DSCAM: variants seen among roughly 807,000 people sequenced by gnomAD.
The protein encoded by DSCAM is DS cell adhesion molecule, also known as cell adhesion molecule DSCAM.
A neutral mutation model predicts 217.7 loss-of-function variants in DSCAM; 47 were observed. The observed-to-expected ratio is 0.22, with a 90% CI of 0.17 to 0.28. The LOEUF (loss-of-function observed/expected upper bound fraction) is 0.28. DSCAM is among the 10% of genes least tolerant of loss of function. The probability of loss-of-function intolerance (pLI) is 1.00; values close to 1 mark genes in which losing one functional copy is unlikely to be tolerated. For synonymous variants in DSCAM, 1,056 were observed against 1,015.3 expected (o/e 1.04, Z -0.76); for missense variants, 2,080 against 2,618.3 (o/e 0.79, Z 4.49).
At chr21:40,110,191 A>G (rs573157561) in intron 20 of DSCAM, among the ~76,000 whole-genome samples, 1 of 152,304 alleles carries the variant, frequency 6.6e-6, no homozygotes, top group Admixed American at 6.5e-5. Context: ...GACACCTCAC[A>G]CGGCCAGGTA....
intron 3 of DSCAM, among the ~76,000 whole-genome samples, chr21:40,546,390 T>C (rs1007694929): frequency 2.6e-5 from 4 of 152,202 alleles, no homozygotes; most frequent in Non-Finnish European, 5.9e-5. Flanking sequence ...AACGGCAAAG[T>C]GGCCAACAGA....
rs528555700 is a variant in DSCAM at position 40,028,797 on chromosome 21, T to C, written c.5686+13574A>G. On this transcript the variant is annotated intron_variant, in intron 32 of 32. Transcript: ENST00000400454. ...GGAAATGCCGAGATCACCCGTCTTC[T>C]GCGTCGCTCACGCTGGGAGCTGCAG... 2.3e-3 allele frequency among the ~76,000 whole-genome samples: 347 copies of C among 152,332 alleles called. 4 individuals carry two copies. Among genetic ancestry groups the C allele is most frequent in the African/African-American group, 7.9e-3 (327 of 41,576 alleles).
chr21:40,353,978 T>C (rs2074663279), intron 4 of DSCAM, among the ~76,000 whole-genome samples: 1 of 152,194 alleles, frequency 6.6e-6, no homozygotes, highest in African/African-American at 2.4e-5. Context: ...CATTCCTCAG[T>C]AAATGAATAA....
At chr21:40,430,716 C>T (rs796146361) in intron 3 of DSCAM, among the ~76,000 whole-genome samples, 51 of 152,328 alleles carry the variant, frequency 3.3e-4, no homozygotes, top group Admixed American at 1.9e-3. Flanking sequence ...CTGGCTCTAC[C>T]GCTGGACTCC....
intron 1 of DSCAM, among the ~76,000 whole-genome samples, chr21:40,800,298 G>T (rs2091728320): frequency 6.6e-6 from 1 of 152,124 alleles, no homozygotes; most frequent in South Asian, 2.1e-4. Flanking sequence ...CAGAAAATTG[G>T]TACCAGGAGT....
chr21:40,620,020 G>A (rs1392767409), intron 3 of DSCAM, among the ~76,000 whole-genome samples: 1 of 69,656 alleles, frequency 1.4e-5, no homozygotes, highest in African/African-American at 7.4e-5. Context: ...AAAAGAAAAA[G>A]AAAGAAAGAG....
intron 6 of DSCAM, among the ~76,000 whole-genome samples, chr21:40,346,356 C>T (rs1042733019): frequency 2.6e-5 from 4 of 152,162 alleles, no homozygotes; most frequent in Admixed American, 2.6e-4. Context: ...GCTAAACCTG[C>T]TACTTCTTAA....
intron 32 of DSCAM, among the ~76,000 whole-genome samples, chr21:40,018,589 C>T (rs1476856257): frequency 1.3e-5 from 2 of 152,162 alleles, no homozygotes; most frequent in Admixed American, 1.3e-4. Flanking sequence ...TATTAAACCT[C>T]CACAAAGTAA....
intron 11 of DSCAM, among the ~76,000 whole-genome samples, chr21:40,249,484 T>G (rs2073273086): frequency 6.6e-6 from 1 of 152,120 alleles, no homozygotes; most frequent in Non-Finnish European, 1.5e-5. Flanking sequence ...GAACTATAAG[T>G]CCAACTAAAC....
chr21:40,540,424 C>G (rs2076534374), intron 3 of DSCAM, among the ~76,000 whole-genome samples: 1 of 152,100 alleles, frequency 6.6e-6, no homozygotes, highest in African/African-American at 2.4e-5. Context: ...GTTAATTACC[C>G]ACATCTACGT....
intron 10 of DSCAM, among the ~76,000 whole-genome samples, chr21:40,284,589 G>T (rs1429279867): frequency 6.6e-6 from 1 of 152,214 alleles, no homozygotes; most frequent in East Asian, 1.9e-4. Context: ...ATTGATGCAT[G>T]GGTCAACCCC....
At chr21:40,126,251 A>C (rs554968234) in intron 19 of DSCAM, among the ~76,000 whole-genome samples, 2 of 151,976 alleles carry the variant, frequency 1.3e-5, no homozygotes, top group South Asian at 4.2e-4. Context: ...GGAAGGAAGA[A>C]AGGAAAGAGG....
chr21:40,257,118 A>T (rs1324018235), intron 11 of DSCAM, among the ~76,000 whole-genome samples: 1 of 152,206 alleles, frequency 6.6e-6, no homozygotes, highest in Non-Finnish European at 1.5e-5. Flanking sequence ...AGAGGAAAGA[A>T]AACAAAGATA....
At chr21:40,178,510 G>A (rs2090757988) in intron 15 of DSCAM, among the ~76,000 whole-genome samples, 1 of 152,150 alleles carries the variant, frequency 6.6e-6, no homozygotes, top group Non-Finnish European at 1.5e-5. Flanking sequence ...CGCACAGTAA[G>A]CATGCTTGCA....
intron 11 of DSCAM, among the ~76,000 whole-genome samples, chr21:40,192,158 C>T (rs1415330361): frequency 6.6e-6 from 1 of 152,128 alleles, no homozygotes; most frequent in Non-Finnish European, 1.5e-5. Context: ...TACATTACCC[C>T]AAAAGATTTC....
Position 40,026,521 on chromosome 21 carries a change from G to C in DSCAM, c.5687-13135C>G, listed in dbSNP as rs1430625705. ...TGTGGGAGTCTAAGTCTCTTTGTAGGTCACTCAGGACTTGCTTTATGAATC... is the reference window on the plus strand; with the variant it reads ...TGTGGGAGTCTAAGTCTCTTTGTAGCTCACTCAGGACTTGCTTTATGAATC... On this transcript the variant is annotated intron_variant, in intron 32 of 32. Transcript: ENST00000400454. 5.1e-5 allele frequency among the ~76,000 whole-genome samples: 7 copies of C among 137,900 alleles called. No homozygotes were observed. The East Asian group carries it at 1.4e-3, about 28-fold the overall frequency. The allele number at this position is 137,900 out of a possible 152,430, so 90.5% of individuals were successfully genotyped here.
At chr21:40,167,104 G>GA (rs1418446215) in intron 16 of DSCAM, 114 bp downstream of exon 16, 10 of 926,136 alleles carry the variant, frequency 1.1e-5, no homozygotes, top group African/African-American at 6.7e-5. Context: ...ACTTAATTTT[G>GA]AAAAAATAAA....
In DSCAM at chr21:40,043,935, G is replaced by A. The variant is rs569002653; in HGVS notation, c.5383+143C>T. 153 of 825,998 alleles carry A rather than the reference G, an allele frequency of 1.9e-4. 1 individual carries two copies. The highest frequency in any genetic ancestry group is 4.8e-4 in the Admixed American group (18 of 37,212). The allele number at this position is 825,998 out of a possible 1,614,324, so 51.2% of individuals were successfully genotyped here. On this transcript the variant is annotated intron_variant, in intron 31 of 32. Coordinates refer to ENST00000400454, the MANE Select transcript of DSCAM (RefSeq NM_001389.5). ...TGTATTAGTAACTGTTAGATAAACC[G>A]CGTAACAATTTGAAAGTGACCTTCA... is the stretch of plus-strand genomic sequence containing the variant.
intron 21 of DSCAM, among the ~76,000 whole-genome samples, chr21:40,091,384 C>T (rs904748170): frequency 2.2e-4 from 34 of 152,070 alleles, no homozygotes; most frequent in African/African-American, 7.2e-4. Context: ...GTTCCTTCCC[C>T]GGCCCCAGCA....
Sources: gnomAD v4.1 joint callset for allele counts (sites outside exome capture counted in the v4.1 genomes callset) on GRCh38, gnomAD v4.1.1 for gene constraint, MANE v1.5 for transcripts, NCBI Gene and HGNC (gene_info 2026-07-23, HGNC 2026-07-21) for gene names.